CDH4: variants seen among roughly 807,000 people sequenced by gnomAD.
CDH4 encodes cadherin-4.
A neutral mutation model predicts 86.0 loss-of-function variants in CDH4; 33 were observed. The observed-to-expected ratio is 0.38, with a 90% CI of 0.29 to 0.51. The LOEUF is 0.51. Among genes scored for constraint, CDH4 ranks in the 20% least tolerant of loss-of-function variants. The pLI, the probability that CDH4 is intolerant of heterozygous loss-of-function variation, is 0.86. For synonymous variants in CDH4, 555 were observed against 549.4 expected, an observed-to-expected ratio of 1.01 and a Z score of -0.14; for missense variants, 1,114 against 1,307.4, an observed-to-expected ratio of 0.85 and a Z score of 2.28.
Position 61,270,266 on chromosome 20 carries a change from C to T in CDH4, c.169+15329C>T, listed in dbSNP as rs1005177572. On this transcript the variant is annotated intron_variant, in intron 2 of 15. Coordinates refer to ENST00000614565, the MANE Select transcript of CDH4 (RefSeq NM_001794.5). ...CGTATCCTATTTAATGCTTGGGCAG[C>T]GATGAACTGATGGGGTTTAGAAGTA... Among the ~76,000 whole-genome samples, 7 of 152,152 alleles carry T rather than the reference C, an allele frequency of 4.6e-5. No homozygotes were observed. In the East Asian group the frequency reaches 9.6e-4, roughly 21 times the overall value.
chr20:61,688,354 A>G (rs535287800), intron 2 of CDH4, among the ~76,000 whole-genome samples: 25 of 151,340 alleles, frequency 1.7e-4, no homozygotes, highest in Non-Finnish European at 3.1e-4. Flanking sequence ...TCCTCCTCCC[A>G]CCGACACCCA....
intron 2 of CDH4, among the ~76,000 whole-genome samples, chr20:61,561,980 A>G (rs1362844182): frequency 6.8e-5 from 10 of 147,204 alleles, no homozygotes; most frequent in Middle Eastern, 3.6e-3. Flanking sequence ...AGAGAGAGGG[A>G]CCTTCGTGTG....
chr20:61,632,221 T>C (rs944778504), intron 2 of CDH4, among the ~76,000 whole-genome samples: 7 of 152,318 alleles, frequency 4.6e-5, no homozygotes, highest in Non-Finnish European at 7.4e-5. Context: ...ATGCATTCAG[T>C]GCAGGCTGTG....
intron 2 of CDH4, among the ~76,000 whole-genome samples, chr20:61,351,506 A>T (rs1219877542): frequency 1.3e-5 from 2 of 152,058 alleles, no homozygotes; most frequent in Non-Finnish European, 2.9e-5. Flanking sequence ...CATTTACTAG[A>T]CATATAGTTC....
intron 5 of CDH4, among the ~76,000 whole-genome samples, chr20:61,851,455 A>C (rs1982722465): frequency 2.0e-5 from 3 of 152,180 alleles, no homozygotes; most frequent in African/African-American, 7.2e-5. Flanking sequence ...GGGGAGTGGC[A>C]GCGGCCATGT....
In CDH4 at chr20:61,591,333, T is replaced by A. The variant is rs1482996834; in HGVS notation, c.170-152230T>A. On this transcript the variant is annotated intron_variant, in intron 2 of 15. Coordinates refer to ENST00000614565, the MANE Select transcript of CDH4 (RefSeq NM_001794.5). ...TCCATGTTAACATAAGTAATGTATT[T>A]TATGAAAACAAACTGTGTTTTCCAA... Among the ~76,000 whole-genome samples, 3 of 152,222 alleles carry A rather than the reference T, an allele frequency of 2.0e-5. No individual in the cohort carries two copies. In the East Asian group the frequency reaches 5.8e-4, roughly 29 times the overall value.
rs2086061674 is a variant in CDH4 at position 61,544,344 on chromosome 20, A to G, written c.170-199219A>G. Among the ~76,000 whole-genome samples, 1 of 151,876 alleles carries G rather than the reference A, an allele frequency of 6.6e-6. No homozygotes were observed. The highest frequency in any genetic ancestry group is 1.5e-5 in the Non-Finnish European group (1 of 67,986). ...CCTCGCAGCAGAAGCATCCAGCTCC[A>G]TGTATCACTCGTGTCCAGGCCGAGA... On this transcript the variant is annotated intron_variant, in intron 2 of 15. Transcript: ENST00000614565. This position sits in a 1 kb window ranked among gnomAD's most constrained non-coding sequence, Gnocchi z 6.5.
chr20:61,727,473 C>T lies in CDH4; in HGVS notation c.170-16090C>T, dbSNP rs113676042. Among the ~76,000 whole-genome samples, 304 of 152,324 alleles carry T rather than the reference C, an allele frequency of 2.0e-3. 2 individuals are homozygous for T. Among genetic ancestry groups the T allele is most frequent in the African/African-American group, 6.7e-3 (280 of 41,568 alleles). Reference sequence around the variant, plus strand: ...TCATCATCACTGCCAATATCATATGCGTTATTATTATCCTTTACCTTAGTC... The same window carrying T: ...TCATCATCACTGCCAATATCATATGTGTTATTATTATCCTTTACCTTAGTC... On this transcript the variant is annotated intron_variant, in intron 2 of 15. Coordinates refer to ENST00000614565, the MANE Select transcript of CDH4 (RefSeq NM_001794.5).
intron 2 of CDH4, among the ~76,000 whole-genome samples, chr20:61,723,705 C>A (rs953517817): frequency 1.3e-5 from 2 of 152,216 alleles, no homozygotes; most frequent in Non-Finnish European, 2.9e-5. Context: ...AATCTATTTG[C>A]ATTTCCTGAG....
intron 2 of CDH4, among the ~76,000 whole-genome samples, chr20:61,296,550 C>A (rs2084356115): frequency 6.6e-6 from 1 of 152,110 alleles, no homozygotes; most frequent in Non-Finnish European, 1.5e-5. Context: ...CAGAAACGTC[C>A]CCACACACAA....
At chr20:61,532,704 A>G (rs1199747071) in intron 2 of CDH4, among the ~76,000 whole-genome samples, 1 of 152,174 alleles carries the variant, frequency 6.6e-6, no homozygotes, top group East Asian at 1.9e-4. Context: ...TGTGAGGTGG[A>G]GCAGGCTCTG....
At chr20:61,692,747 A>C (rs988812306) in intron 2 of CDH4, among the ~76,000 whole-genome samples, 2 of 152,152 alleles carry the variant, frequency 1.3e-5, no homozygotes, top group African/African-American at 4.8e-5. Flanking sequence ...ACTCATACAC[A>C]TTTCTGCAGC....
At chr20:61,441,345 CT>C (rs2085314206) in intron 2 of CDH4, among the ~76,000 whole-genome samples, 1 of 152,238 alleles carries the variant, frequency 6.6e-6, no homozygotes, top group African/African-American at 2.4e-5. Context: ...GGCAGAGGGA[CT>C]GGGCCAGGGC....
chr20:61,717,308 G>T (rs1409990952), intron 2 of CDH4, among the ~76,000 whole-genome samples: 1 of 152,220 alleles, frequency 6.6e-6, no homozygotes, highest in Non-Finnish European at 1.5e-5. Context: ...AGGGTGGACA[G>T]GACAGAGAGT....
intron 2 of CDH4, among the ~76,000 whole-genome samples, chr20:61,456,474 G>T (rs2085407494): frequency 6.6e-6 from 1 of 152,164 alleles, no homozygotes; most frequent in African/African-American, 2.4e-5. Context: ...GCATCTAGTT[G>T]GTAGAGTCCA....
At chr20:61,388,479 G>T (rs986786283) in intron 2 of CDH4, among the ~76,000 whole-genome samples, 56 of 152,202 alleles carry the variant, frequency 3.7e-4, no homozygotes, top group African/African-American at 1.4e-3. Flanking sequence ...CCTCGAAGGG[G>T]TGCAGGATGA....
At chr20:61,630,003 G>A (rs975092877) in intron 2 of CDH4, among the ~76,000 whole-genome samples, 1 of 152,124 alleles carries the variant, frequency 6.6e-6, no homozygotes, top group Non-Finnish European at 1.5e-5. Context: ...ACCTCTGCCC[G>A]GGCTCCGAGG....
intron 2 of CDH4, among the ~76,000 whole-genome samples, chr20:61,278,113 C>T (rs928813987): frequency 1.3e-5 from 2 of 152,186 alleles, no homozygotes; most frequent in Non-Finnish European, 2.9e-5. Context: ...GGTCAGGGGG[C>T]CAAGGAGCCC....
At chr20:61,850,923 G>C (rs756099392) in intron 5 of CDH4, among the ~76,000 whole-genome samples, 8 of 152,266 alleles carry the variant, frequency 5.3e-5, no homozygotes, top group Admixed American at 4.6e-4. Context: ...CTCGTTATCC[G>C]CACTCGCGCT....
Sources: gnomAD v4.1 joint callset for allele counts (sites outside exome capture counted in the v4.1 genomes callset) on GRCh38, gnomAD v4.1.1 for gene constraint, Gnocchi (gnomAD v3.1) non-coding constraint, MANE v1.5 for transcripts, NCBI Gene and HGNC (gene_info 2026-07-23, HGNC 2026-07-21) for gene names.